The following COG4 variants were observed in gnomAD, a reference collection of about 807,000 sequenced individuals.
COG4 encodes the protein conserved oligomeric Golgi complex subunit 4.
A neutral mutation model predicts 95.1 loss-of-function variants in COG4; 65 were observed. The observed-to-expected ratio is 0.68, with a 90% CI of 0.56 to 0.84. The LOEUF (loss-of-function observed/expected upper bound fraction) is 0.84, where lower values mean the gene tolerates loss of function less well. COG4 is among the 40% of genes least tolerant of loss of function. The probability of loss-of-function intolerance (pLI) is 0.00; values close to 1 mark genes in which losing one functional copy is unlikely to be tolerated. For synonymous variants in COG4, 421 were observed against 374.8 expected (o/e 1.12, Z -1.42); for missense variants, 1,045 against 989.1 (o/e 1.06, Z -0.76).
intron 13 of COG4, among the ~76,000 whole-genome samples, chr16:70,487,068 A>T (rs1170493745): frequency 2.0e-5 from 3 of 152,058 alleles, no homozygotes; most frequent in Non-Finnish European, 4.4e-5. Context: ...AGGTGGGCGG[A>T]TCGCCTGAGG....
intron 13 of COG4, among the ~76,000 whole-genome samples, chr16:70,486,705 CAAT>C (rs990138793): frequency 3.3e-5 from 5 of 152,068 alleles, no homozygotes; most frequent in African/African-American, 9.7e-5. Context: ...GACTTACAAA[CAAT>C]GATGTCGGCC....
chr16:70,492,819 C>T (rs558309807), intron 12 of COG4, among the ~76,000 whole-genome samples: 4 of 151,762 alleles, frequency 2.6e-5, no homozygotes, highest in South Asian at 4.2e-4. Flanking sequence ...AAAAATTAGT[C>T]GGGTGTGGTG....
chr16:70,506,409 A>G (rs1368932797), intron 8 of COG4, among the ~76,000 whole-genome samples: 1 of 151,032 alleles, frequency 6.6e-6, no homozygotes, highest in Non-Finnish European at 1.5e-5. Flanking sequence ...TCTAAATTAA[A>G]AAAAACCTCA....
At chr16:70,522,123 G>A (rs1046308887) in intron 1 of COG4, among the ~76,000 whole-genome samples, 45 of 151,654 alleles carry the variant, frequency 3.0e-4, no homozygotes, top group Middle Eastern at 3.4e-3. Flanking sequence ...TCAGCCTCCC[G>A]AGTAGCTGGG....
At chr16:70,505,191 G>A (rs2049536000) in intron 8 of COG4, among the ~76,000 whole-genome samples, 1 of 146,620 alleles carries the variant, frequency 6.8e-6, no homozygotes, top group Non-Finnish European at 1.5e-5. Flanking sequence ...TTTACGTTTG[G>A]ATTTTCTTTT....
At position 70,497,392 on chromosome 16, in the gene COG4, C is replaced by T. The variant is rs756356731; in HGVS notation, c.1315-5G>A. 7 of 1,612,414 alleles carry T rather than the reference C, an allele frequency of 4.3e-6. No homozygotes were observed. Among genetic ancestry groups the T allele is most frequent in the Non-Finnish European group, 5.1e-6 (6 of 1,179,992 alleles). On this transcript the variant is annotated splice_polypyrimidine_tract_variant and splice_region_variant and intron_variant, in intron 10 of 18. Coordinates refer to ENST00000323786, the MANE Select transcript of COG4 (RefSeq NM_015386.3). ...ATAGGTGTCCAGAGCCACAGCCTAC[C>T]CAAAAGGCAAAGCCAACACTGAGGG...
intron 1 of COG4, among the ~76,000 whole-genome samples, chr16:70,521,407 T>G (rs907710908): frequency 6.6e-6 from 1 of 151,984 alleles, no homozygotes; most frequent in African/African-American, 2.4e-5. Flanking sequence ...TAGTAGAGAC[T>G]AACATGGTTT....
chr16:70,490,389 T>G lies in COG4; in HGVS notation c.1651A>C (p.Thr551Pro). ...TDEAKMSFLV[T>P]LNNVEVCSEN... ...CTGCAGACTTCCACGTTGTTCAGAG[T>G]CACCTGGGAGATGAGGAAGGAAGAA... Residue 551 changes from threonine (T) to proline (P), a missense_variant, in exon 13 of 19, where the codon ACT becomes CCT. Thr to Pro is a conservative substitution (Grantham distance 38). Transcript: ENST00000323786. The G allele has an allele frequency of 6.2e-7, 1 of 1,613,358 alleles. No homozygotes were observed. The highest frequency in any genetic ancestry group is 8.5e-7 in the Non-Finnish European group (1 of 1,179,542).
chr16:70,522,223 T>C (rs963746409), intron 1 of COG4, among the ~76,000 whole-genome samples: 1 of 150,674 alleles, frequency 6.6e-6, no homozygotes, highest in Non-Finnish European at 1.5e-5. Context: ...CTCGAACTCC[T>C]GACTCAGGTG....
In COG4 at chr16:70,510,019, C is replaced by T; in HGVS notation, c.741G>A (p.Val247=). 1 of 1,613,464 alleles carries T rather than the reference C, an allele frequency of 6.2e-7. No individual in the cohort carries two copies. The highest frequency in any genetic ancestry group is 8.5e-7 in the Non-Finnish European group (1 of 1,179,464). ...GCAGATTCTCCTCAGCTTTACTGGC[C>T]ACCTAAAAAAGGAGAAAACCCACAC... ...RKFSEYLCKQ[V]ASKAEENLLM... is the part of the protein sequence containing the mutation. The change falls in exon 6 of 19, where the codon GTG becomes GTA. Residue 247 remains valine (V), a splice_region_variant and synonymous_variant. Coordinates refer to ENST00000323786, the MANE Select transcript of COG4 (RefSeq NM_015386.3).
At chr16:70,485,196 C>A (rs1164018489) in intron 13 of COG4, among the ~76,000 whole-genome samples, 3 of 149,876 alleles carry the variant, frequency 2.0e-5, no homozygotes, top group Non-Finnish European at 4.4e-5. Flanking sequence ...AAAGTGAGAC[C>A]CTGTCTCTCT....
intron 8 of COG4, among the ~76,000 whole-genome samples, chr16:70,508,080 C>T (rs2049616532): frequency 6.6e-6 from 1 of 151,564 alleles, no homozygotes; most frequent in South Asian, 2.1e-4. Context: ...ACCACCATGC[C>T]CAGCTAATTT....
intron 1 of COG4, among the ~76,000 whole-genome samples, chr16:70,521,767 T>C (rs1295679495): frequency 6.6e-6 from 1 of 150,490 alleles, no homozygotes; most frequent in African/African-American, 2.5e-5. Context: ...AGTGGTGCGA[T>C]CTCGGCTCAC....
intron 1 of COG4, 58 bp downstream of exon 1, chr16:70,523,315 C>T (rs1300019971): frequency 6.2e-7 from 1 of 1,601,292 alleles, no homozygotes; most frequent in East Asian, 2.2e-5. Flanking sequence ...GATTTCCCGA[C>T]TGAAGGCTCC....
intron 1 of COG4, among the ~76,000 whole-genome samples, chr16:70,522,240 C>A (rs1177781067): frequency 2.6e-5 from 4 of 152,040 alleles, no homozygotes; most frequent in Non-Finnish European, 5.9e-5. Context: ...GGTGATCCTC[C>A]CGTCTTGGCC....
chr16:70,488,833 G>A (rs1273339408), intron 13 of COG4, among the ~76,000 whole-genome samples: 2 of 152,180 alleles, frequency 1.3e-5, no homozygotes, highest in African/African-American at 2.4e-5. Flanking sequence ...TTATAGGCAT[G>A]AGCCACCACA....
intron 14 of COG4, 44 bp downstream of exon 14, chr16:70,483,809 C>A (rs200904691): frequency 9.9e-4 from 1,412 of 1,421,532 alleles, no homozygotes; most frequent in Non-Finnish European, 1.3e-3. Context: ...CTCAGAGCAA[C>A]ACACAGGCAC....
At position 70,519,745 on chromosome 16, in the gene COG4, A is replaced by C; in HGVS notation, c.172-14T>G. The stretch of plus-strand genomic sequence containing the variant: ...CTCCACCACTTTCTGAAACACAGAG[A>C]AACATCCTGTCAGCAGAATGATCAG... On this transcript the variant is annotated splice_polypyrimidine_tract_variant and intron_variant, in intron 1 of 18. Transcript: ENST00000323786. 1.3e-5 allele frequency: 20 copies of C among 1,590,298 alleles called. No homozygotes were observed. The highest frequency in any genetic ancestry group is 1.6e-5 in the Non-Finnish European group (18 of 1,158,664).
Position 70,481,086 on chromosome 16 carries a change from G to T in COG4, c.2294C>A (p.Thr765Asn). The T allele has an allele frequency of 6.2e-7, 1 of 1,613,490 alleles. No individual in the cohort carries two copies. The highest frequency in any genetic ancestry group is 8.5e-7 in the Non-Finnish European group (1 of 1,180,026). The change falls in exon 19 of 19, where the codon ACC becomes AAC. Residue 765 changes from threonine (T) to asparagine (N), a missense_variant. Physicochemically the swap from Thr to Asn is moderately conservative, Grantham distance 65. Transcript: ENST00000323786. Reference protein sequence around the residue: ...PNSGPLTWRLTPAEVRQVLAL... With the variant: ...PNSGPLTWRLNPAEVRQVLAL... ...CAGCACCTGGCGCACTTCAGCAGGG[G>T]TGAGGCGCCACGTCAATGGGCCGGA... is the stretch of plus-strand genomic sequence containing the variant.
Sources: allele counts gnomAD v4.1 joint callset (sites outside exome capture counted in the v4.1 genomes callset), GRCh38; gene constraint gnomAD v4.1.1; transcripts MANE v1.5; gene names NCBI Gene and HGNC (gene_info 2026-07-23, HGNC 2026-07-21).